The following RASGRF2 variants were observed in gnomAD, a reference collection of about 807,000 sequenced individuals.
RASGRF2 encodes the protein Ras protein specific guanine nucleotide releasing factor 2.
A neutral mutation model predicts 151.0 loss-of-function variants in RASGRF2; 76 were observed. The ratio of observed to expected loss-of-function variants is 0.50; its 90% CI spans 0.42 to 0.61. The LOEUF (loss-of-function observed/expected upper bound fraction) is 0.61. Among genes scored for constraint, RASGRF2 ranks in the 20% least tolerant of loss-of-function variants. The pLI, the probability that RASGRF2 is intolerant of heterozygous loss-of-function variation, is 0.00. For missense variants in RASGRF2, 1,148 were observed against 1,564.6 expected (o/e 0.73, Z 4.49); for synonymous variants, 504 against 566.5 (o/e 0.89, Z 1.57).
At chr5:81,135,099 GA>G (rs1753721255) in intron 17 of RASGRF2, among the ~76,000 whole-genome samples, 1 of 151,166 alleles carries the variant, frequency 6.6e-6, no homozygotes, top group East Asian at 2.0e-4. Context: ...TTGAGCCCAG[GA>G]GTTCAAGACC....
At chr5:81,198,067 C>T (rs1213388972) in intron 18 of RASGRF2, among the ~76,000 whole-genome samples, 1 of 151,722 alleles carries the variant, frequency 6.6e-6, no homozygotes, top group East Asian at 1.9e-4. Context: ...ACATGTTTAA[C>T]GTGTATTCTC....
At chr5:81,176,552 G>A (rs1754778841) in intron 17 of RASGRF2, among the ~76,000 whole-genome samples, 1 of 151,988 alleles carries the variant, frequency 6.6e-6, no homozygotes, top group Admixed American at 6.5e-5. Context: ...GGAGCATCAG[G>A]TTCCTGATCC....
chr5:81,208,499 A>T, intron 22 of RASGRF2, 61 bp downstream of exon 22: 4 of 1,239,176 alleles, frequency 3.2e-6, no homozygotes, highest in Non-Finnish European at 4.6e-6. Context: ...TTGGGGTCTA[A>T]AGACTCCTCT....
At chr5:81,070,691 G>T in intron 4 of RASGRF2, 110 bp downstream of exon 4, 1 of 860,662 alleles carries the variant, frequency 1.2e-6, no homozygotes, top group East Asian at 2.7e-5. Context: ...TGGTGTTTCT[G>T]GGCTATGGCT....
At chr5:81,122,792 A>T (rs567570131) in intron 15 of RASGRF2, among the ~76,000 whole-genome samples, 1 of 152,316 alleles carries the variant, frequency 6.6e-6, no homozygotes, top group Admixed American at 6.5e-5. Context: ...CTGCTTAATA[A>T]ATCAGTGGGA....
Position 81,067,777 on chromosome 5 carries a change from T to C in RASGRF2, c.396-255T>C, listed in dbSNP as rs568644030. On this transcript the variant is annotated intron_variant, in intron 2 of 26. Transcript: ENST00000265080. ...ACAATTTCTTTTGTACTTTTCCCACTTCTATGGTAAGATTTTTTGGGTAGC... is the reference window on the plus strand; with the variant it reads ...ACAATTTCTTTTGTACTTTTCCCACCTCTATGGTAAGATTTTTTGGGTAGC... Among the ~76,000 whole-genome samples the C allele has an allele frequency of 5.3e-5, 8 of 152,344 alleles. 1 individual carries two copies. The South Asian group carries it at 1.7e-3, about 32-fold the overall frequency.
In RASGRF2 at chr5:81,019,639, A is replaced by G. The variant is rs557511959; in HGVS notation, c.289-23238A>G. ...CCTGCATTACTGTCCAAATAGTAAT[A>G]TGTGTGGAGCAGCATTTTTTTTAGA... On this transcript the variant is annotated intron_variant, in intron 1 of 26. Transcript: ENST00000265080. 3.3e-5 allele frequency: 5 copies of G among 152,320 alleles called. 1 individual carries two copies. The East Asian group carries it at 9.6e-4, about 29-fold the overall frequency. The allele number at this position is 152,320 out of a possible 1,614,324, so 9.4% of individuals were successfully genotyped here.
At chr5:81,087,090 C>A in intron 9 of RASGRF2, 137 bp downstream of exon 9, 2 of 814,772 alleles carry the variant, frequency 2.5e-6, no homozygotes, top group Non-Finnish European at 4.2e-6. Flanking sequence ...TTCGCCGAGG[C>A]GGTGGTTGAG....
chr5:81,016,325 G>A (rs752905444), intron 1 of RASGRF2, among the ~76,000 whole-genome samples: 7 of 152,166 alleles, frequency 4.6e-5, no homozygotes, highest in Non-Finnish European at 1.0e-4. Context: ...TAGGCCTGGT[G>A]ATTTATGGCA....
chr5:81,200,289 A>T (rs974791095), intron 18 of RASGRF2, among the ~76,000 whole-genome samples: 1 of 150,826 alleles, frequency 6.6e-6, no homozygotes, highest in Non-Finnish European at 1.5e-5. Context: ...AAAAAAAAAA[A>T]GAAGAAGAAT....
At chr5:81,189,107 T>C (rs921124503) in intron 18 of RASGRF2, among the ~76,000 whole-genome samples, 10 of 152,198 alleles carry the variant, frequency 6.6e-5, no homozygotes, top group Admixed American at 2.6e-4. Flanking sequence ...TGACAACCAC[T>C]GCACCTCCCA....
chr5:81,123,685 C>T lies in RASGRF2; in HGVS notation c.2514C>T (p.Ser838=). Residue 838 remains serine (S), a synonymous_variant, in exon 16 of 27, where the codon AGC becomes AGT. Transcript: ENST00000265080. ...CAGCGGACCGAGCAGGAGTGGAAAG[C>T]TCCCCTGCAGCGGACACCACAGAAC... ...SAPADRAGVE[S]SPAADTTELS... 1 of 1,614,006 alleles carries T rather than the reference C, an allele frequency of 6.2e-7. No homozygotes were observed. The highest frequency in any genetic ancestry group is 8.5e-7 in the Non-Finnish European group (1 of 1,179,976).
chr5:81,132,107 T>C (rs1231945865), intron 17 of RASGRF2, among the ~76,000 whole-genome samples: 1 of 152,244 alleles, frequency 6.6e-6, no homozygotes, highest in African/African-American at 2.4e-5. Context: ...CTATTTTTTT[T>C]ACTAATTTAT....
intron 2 of RASGRF2, among the ~76,000 whole-genome samples, chr5:81,048,737 C>G (rs1434512983): frequency 6.6e-6 from 1 of 152,192 alleles, no homozygotes; most frequent in Non-Finnish European, 1.5e-5. Flanking sequence ...CAAATTTCTA[C>G]TTTGAGCTCT....
Position 81,021,949 on chromosome 5 carries a change from G to T in RASGRF2, c.289-20928G>T, listed in dbSNP as rs77389954. ...CATGGGACAGGGAGGTGAAAAAATT[G>T]CATTCTTGTGCTGAGTCAGTTCCTT... On this transcript the variant is annotated intron_variant, in intron 1 of 26. Transcript: ENST00000265080. 7.2e-3 allele frequency among the ~76,000 whole-genome samples: 1,089 copies of T among 152,268 alleles called. 8 individuals carry two copies. Among genetic ancestry groups the T allele is most frequent in the African/African-American group, 0.022 (932 of 41,544 alleles).
intron 5 of RASGRF2, among the ~76,000 whole-genome samples, chr5:81,075,501 C>T (rs927466296): frequency 1.3e-5 from 2 of 152,246 alleles, no homozygotes; most frequent in African/African-American, 4.8e-5. Context: ...AGCCTTCCCC[C>T]ATCGGAGGCC....
chr5:80,964,551 A>G (rs2112202943), intron 1 of RASGRF2, among the ~76,000 whole-genome samples: 1 of 152,276 alleles, frequency 6.6e-6, no homozygotes, highest in South Asian at 2.1e-4. Flanking sequence ...GGAGATGATC[A>G]AAGTCCAGTT....
chr5:81,110,924 A>G (rs1240347454), intron 13 of RASGRF2, among the ~76,000 whole-genome samples: 3 of 152,220 alleles, frequency 2.0e-5, no homozygotes, highest in African/African-American at 4.8e-5. Context: ...ACTCAAGCTA[A>G]CGGGCCACCC....
chr5:81,037,916 T>C (rs1750554837), intron 1 of RASGRF2, among the ~76,000 whole-genome samples: 1 of 152,256 alleles, frequency 6.6e-6, no homozygotes, highest in South Asian at 2.1e-4. Context: ...TTTTTCTAAC[T>C]GTATACATAT....
Sources: allele counts gnomAD v4.1 joint callset (sites outside exome capture counted in the v4.1 genomes callset), GRCh38; gene constraint gnomAD v4.1.1; transcripts MANE v1.5; gene names NCBI Gene and HGNC (gene_info 2026-07-23, HGNC 2026-07-21).